ALK: variants seen among roughly 807,000 people sequenced by gnomAD.
ALK encodes ALK receptor tyrosine kinase.
ALK carries 74 observed loss-of-function variants against 163.1 expected under a neutral mutation model. The observed-to-expected ratio is 0.45, with a 90% CI of 0.38 to 0.55. ALK has a LOEUF of 0.55. ALK is among the 20% of genes least tolerant of loss of function. ALK has a pLI of 0.00. For synonymous variants in ALK, 960 were observed against 843.2 expected (o/e 1.14, Z -2.40); for missense variants, 2,063 against 2,105.3 (o/e 0.98, Z 0.39).
chr2:29,771,825 C>T (rs1194940871), intron 1 of ALK, among the ~76,000 whole-genome samples: 2 of 151,844 alleles, frequency 1.3e-5, no homozygotes, highest in African/African-American at 4.8e-5. Flanking sequence ...TGAGCCACTG[C>T]GCCCAGCCTG....
chr2:29,410,981 A>G (rs1185799112), intron 4 of ALK, among the ~76,000 whole-genome samples: 1 of 152,250 alleles, frequency 6.6e-6, no homozygotes, highest in African/African-American at 2.4e-5. Context: ...TGATTCTTGT[A>G]GTAACACTTA....
At chr2:29,909,380 G>C (rs1467883970) in intron 1 of ALK, among the ~76,000 whole-genome samples, 1 of 152,146 alleles carries the variant, frequency 6.6e-6, no homozygotes, top group Non-Finnish European at 1.5e-5. Flanking sequence ...AGGTCATAGA[G>C]ATTGGTGTCT....
Position 29,246,815 on chromosome 2 carries a change from C to T in ALK, c.2204+4290G>A, listed in dbSNP as rs1401162404. On this transcript the variant is annotated intron_variant, in intron 12 of 28. Transcript: ENST00000389048. This position sits in a 1 kb window ranked among gnomAD's most constrained non-coding sequence, Gnocchi z 4.3. ...GGCCTGAGTGACAGTGACTCCCTTC[C>T]AACTGCTCTCCCCACCTCCAGGCCG... Among the ~76,000 whole-genome samples the T allele has an allele frequency of 6.6e-6, 1 of 152,196 alleles. No individual in the cohort carries two copies. The highest frequency in any genetic ancestry group is 1.5e-5 in the Non-Finnish European group (1 of 68,044).
chr2:29,615,521 T>G (rs986803043), intron 3 of ALK, among the ~76,000 whole-genome samples: 4 of 152,236 alleles, frequency 2.6e-5, no homozygotes, highest in African/African-American at 9.6e-5. Flanking sequence ...TTCGAGATAG[T>G]GTCGAACTCA....
intron 26 of ALK, among the ~76,000 whole-genome samples, chr2:29,200,736 TATAC>T (rs1558608562): frequency 6.0e-5 from 7 of 116,920 alleles, no homozygotes; most frequent in Admixed American, 3.7e-4. Flanking sequence ...TATGTATATA[TATAC>T]GTATATATAT....
At chr2:29,884,313 G>C (rs897460941) in intron 1 of ALK, among the ~76,000 whole-genome samples, 1 of 152,140 alleles carries the variant, frequency 6.6e-6, no homozygotes, top group Non-Finnish European at 1.5e-5. Context: ...CCCATACAAA[G>C]TGACAGTAGT....
intron 1 of ALK, among the ~76,000 whole-genome samples, chr2:29,810,159 T>C (rs1664717503): frequency 6.6e-6 from 1 of 152,146 alleles, no homozygotes; most frequent in African/African-American, 2.4e-5. Context: ...TGGTGGCTCA[T>C]GTGTGTAATC....
intron 3 of ALK, among the ~76,000 whole-genome samples, chr2:29,574,592 C>T (rs756596475): frequency 3.9e-5 from 6 of 152,366 alleles, no homozygotes; most frequent in East Asian, 1.9e-4. Flanking sequence ...TGGTATGAAG[C>T]GCCTCTTGGC....
rs1668957876 is a variant in ALK at position 29,383,592 on chromosome 2, C to T, written c.1282+140G>A. ...TCGGCCTCCCAAAGTGCTGGGATTA[C>T]AGGTGTGAGCCACAGCACCCAGCCC... On this transcript the variant is annotated intron_variant, in intron 5 of 28. Coordinates refer to ENST00000389048, the MANE Select transcript of ALK (RefSeq NM_004304.5). 17 of 1,109,408 alleles carry T rather than the reference C, an allele frequency of 1.5e-5. No individual in the cohort carries two copies. The South Asian group carries it at 2.3e-4, about 15-fold the overall frequency. 68.7% of individuals were successfully genotyped at this position (1,109,408 alleles called of 1,614,324 possible).
intron 3 of ALK, among the ~76,000 whole-genome samples, chr2:29,552,691 T>C (rs193038176): frequency 3.0e-4 from 46 of 152,336 alleles, no homozygotes; most frequent in African/African-American, 1.1e-3. Context: ...GCCCATTTTT[T>C]AGTTGGGTTG....
intron 1 of ALK, among the ~76,000 whole-genome samples, chr2:29,837,301 T>G (rs2148392251): frequency 6.6e-6 from 1 of 152,184 alleles, no homozygotes; most frequent in Middle Eastern, 3.4e-3. Context: ...GAAGAGATAT[T>G]GGGATTTGGA....
At chr2:29,217,052 GTGTGT>G (rs1459842955) in intron 23 of ALK, among the ~76,000 whole-genome samples, 1 of 147,078 alleles carries the variant, frequency 6.8e-6, no homozygotes, top group Non-Finnish European at 1.5e-5. Context: ...TGTGTGTGGT[GTGTGT>G]TGTATGTGTA....
chr2:29,713,402 G>T (rs1213775537), intron 2 of ALK, among the ~76,000 whole-genome samples: 1 of 152,186 alleles, frequency 6.6e-6, no homozygotes, highest in Non-Finnish European at 1.5e-5. Context: ...GGGTAGAGAA[G>T]ACAAGACTAC....
chr2:29,431,178 C>G (rs1046150051), intron 4 of ALK, among the ~76,000 whole-genome samples: 1 of 152,066 alleles, frequency 6.6e-6, no homozygotes, highest in African/African-American at 2.4e-5. Flanking sequence ...GTGATTCAAT[C>G]AAATGATTTC....
intron 3 of ALK, among the ~76,000 whole-genome samples, chr2:29,591,686 G>A (rs1022809550): frequency 3.9e-5 from 6 of 152,144 alleles, no homozygotes; most frequent in African/African-American, 1.4e-4. Flanking sequence ...GGCTAACAAC[G>A]AGAGAGAAAT....
chr2:29,212,115 A>G (rs1669481968), intron 24 of ALK, among the ~76,000 whole-genome samples: 1 of 152,236 alleles, frequency 6.6e-6, no homozygotes, highest in Non-Finnish European at 1.5e-5. Context: ...GAGATAAAAA[A>G]CAAAAGACAA....
intron 1 of ALK, among the ~76,000 whole-genome samples, chr2:29,812,067 T>C (rs1659266991): frequency 6.6e-6 from 1 of 152,122 alleles, no homozygotes; most frequent in South Asian, 2.1e-4. Flanking sequence ...CTATCAAGTG[T>C]TACCTAGGGA....
intron 3 of ALK, among the ~76,000 whole-genome samples, chr2:29,578,818 G>A (rs1165503150): frequency 6.6e-6 from 1 of 152,294 alleles, no homozygotes; most frequent in Non-Finnish European, 1.5e-5. Flanking sequence ...AAGGTCACCC[G>A]CTGGTTAGTG....
chr2:29,290,833 C>A (rs898073209), intron 9 of ALK, among the ~76,000 whole-genome samples: 2 of 151,976 alleles, frequency 1.3e-5, no homozygotes, highest in African/African-American at 4.8e-5. Flanking sequence ...TGGGAGGCAC[C>A]TGGAGAGGGG....
Sources: allele counts gnomAD v4.1 joint callset (sites outside exome capture counted in the v4.1 genomes callset), GRCh38; gene constraint gnomAD v4.1.1; non-coding constraint Gnocchi (gnomAD v3.1); transcripts MANE v1.5; gene names NCBI Gene and HGNC (gene_info 2026-07-23, HGNC 2026-07-21).